The following PLXNC1 variants were observed in gnomAD, a reference collection of about 807,000 sequenced individuals.
PLXNC1 encodes the protein plexin-C1.
A neutral mutation model predicts 178.2 loss-of-function variants in PLXNC1; 75 were observed. The observed-to-expected ratio is 0.42, with a 90% CI of 0.35 to 0.51. The LOEUF (loss-of-function observed/expected upper bound fraction) is 0.51, where lower values mean the gene tolerates loss of function less well. PLXNC1 is among the 20% of genes least tolerant of loss of function. PLXNC1 has a pLI of 0.02. For synonymous variants in PLXNC1, 790 were observed against 779.9 expected (o/e 1.01, Z -0.22); for missense variants, 1,503 against 1,984.4 (o/e 0.76, Z 4.61).
intron 4 of PLXNC1, among the ~76,000 whole-genome samples, chr12:94,201,770 TTTTTTTTTTTTTTTTTG>T (rs1963130688): frequency 8.5e-6 from 1 of 117,164 alleles, no homozygotes; most frequent in African/African-American, 3.4e-5. Context: ...TTTTTTTTTT[TTTTTTTTTTTTTTTTTG>T]AGACAGAGTC....
rs111742600 is a variant in PLXNC1, at chr12:94,153,589, C to T, written c.1062+3556C>T. Among the ~76,000 whole-genome samples the T allele has an allele frequency of 7.9e-5, 12 of 152,310 alleles. 1 individual carries two copies. The highest frequency in any genetic ancestry group is 2.2e-4 in the African/African-American group (9 of 41,574). ...GTTTGTGGAGTCTGATTGCTCCAGACTTGTTTGGCCACCATTGTTGGGTTC... is the reference window on the plus strand; with the variant it reads ...GTTTGTGGAGTCTGATTGCTCCAGATTTGTTTGGCCACCATTGTTGGGTTC... On this transcript the variant is annotated intron_variant, in intron 1 of 30. Coordinates refer to ENST00000258526, the MANE Select transcript of PLXNC1 (RefSeq NM_005761.3).
intron 1 of PLXNC1, among the ~76,000 whole-genome samples, chr12:94,162,784 G>A (rs942667501): frequency 6.6e-6 from 1 of 152,150 alleles, no homozygotes; most frequent in African/African-American, 2.4e-5. Context: ...CAGGACCAGA[G>A]GGAAGAAAAG....
rs907062627 is a variant in PLXNC1 at position 94,284,074 on chromosome 12, C to G, written c.3879+1673C>G. Among the ~76,000 whole-genome samples the G allele has an allele frequency of 2.2e-5, 3 of 138,608 alleles. No individual in the cohort carries two copies. The Admixed American group carries it at 2.4e-4, about 11-fold the overall frequency. The allele number at this position is 138,608 out of a possible 152,430, so 90.9% of individuals were successfully genotyped here. A position where few individuals can be genotyped will look rare whatever the true frequency, so the allele number is the denominator to read the frequency against. On this transcript the variant is annotated intron_variant, in intron 23 of 30. Transcript: ENST00000258526. ...CTCCAGCCTGTGCGACAGAGCAAGACTCCATGTCAGGGGAAAAAAAAAAAA... is the reference window on the plus strand; with the variant it reads ...CTCCAGCCTGTGCGACAGAGCAAGAGTCCATGTCAGGGGAAAAAAAAAAAA...
chr12:94,189,573 G>T lies in PLXNC1; in HGVS notation c.1439+3100G>T, dbSNP rs566855974. On this transcript the variant is annotated intron_variant, in intron 4 of 30. Transcript: ENST00000258526. ...TATGTGCTTCTGGTCCCAGCTACTCGGGAGGTTAAGGTGGGAGGCTTGCTT... is the reference window on the plus strand; with the variant it reads ...TATGTGCTTCTGGTCCCAGCTACTCTGGAGGTTAAGGTGGGAGGCTTGCTT... Among the ~76,000 whole-genome samples, 53 of 152,158 alleles carry T rather than the reference G, an allele frequency of 3.5e-4. 1 individual carries two copies. The South Asian group carries it at 0.011, about 30-fold the overall frequency.
At chr12:94,286,939 A>G (rs1308709222) in intron 23 of PLXNC1, among the ~76,000 whole-genome samples, 2 of 152,172 alleles carry the variant, frequency 1.3e-5, no homozygotes, top group East Asian at 1.9e-4. Context: ...CATGGACTAG[A>G]TGCAGCCCCC....
intron 14 of PLXNC1, among the ~76,000 whole-genome samples, chr12:94,248,701 A>G (rs1964598381): frequency 6.6e-6 from 1 of 152,180 alleles, no homozygotes; most frequent in Non-Finnish European, 1.5e-5. Flanking sequence ...TAGGATCGGC[A>G]AGCAAAATCT....
At chr12:94,266,778 A>C (rs1965267076) in intron 21 of PLXNC1, among the ~76,000 whole-genome samples, 1 of 152,266 alleles carries the variant, frequency 6.6e-6, no homozygotes, top group African/African-American at 2.4e-5. Context: ...ATTAAGAGTC[A>C]GTATTATAAA....
At chr12:94,191,522 G>A (rs1181483564) in intron 4 of PLXNC1, among the ~76,000 whole-genome samples, 22 of 152,150 alleles carry the variant, frequency 1.4e-4, no homozygotes, top group Admixed American at 1.3e-3. Context: ...GGTGGCTCAC[G>A]CCTGTAATCC....
At chr12:94,199,061 G>A (rs573700413) in intron 4 of PLXNC1, among the ~76,000 whole-genome samples, 1 of 152,284 alleles carries the variant, frequency 6.6e-6, no homozygotes, top group South Asian at 2.1e-4. Context: ...GCAGAAAAAG[G>A]AAATGGGGAG....
At chr12:94,254,070 T>C (rs1332171789) in intron 15 of PLXNC1, among the ~76,000 whole-genome samples, 1 of 152,212 alleles carries the variant, frequency 6.6e-6, no homozygotes, top group Non-Finnish European at 1.5e-5. Context: ...CTTAATGCTT[T>C]TTGTGAGTTA....
Position 94,282,386 on chromosome 12 carries a change from C to T in PLXNC1, c.3864C>T (p.Thr1288=). 6.2e-7 allele frequency: 1 copy of T among 1,610,528 alleles called. No homozygotes were observed. Among genetic ancestry groups the T allele is most frequent in the Non-Finnish European group, 8.5e-7 (1 of 1,176,766 alleles). ...ILEDGITKLN[T]IGHYEISNGS... ...AAGATGGAATCACCAAGCTAAACAC[C>T]ATTGGCCACTATGAGGTAAGAGCAA... The change falls in exon 23 of 31, where the codon ACC becomes ACT. Residue 1288 remains threonine, a synonymous_variant. Coordinates refer to ENST00000258526, the MANE Select transcript of PLXNC1 (RefSeq NM_005761.3).
chr12:94,227,213 A>G lies in PLXNC1; in HGVS notation c.1958A>G (p.Asn653Ser). 6.2e-7 allele frequency: 1 copy of G among 1,611,342 alleles called. No homozygotes were observed. Among genetic ancestry groups the G allele is most frequent in the Non-Finnish European group, 8.5e-7 (1 of 1,177,482 alleles). ...GGAAGACCCAAGGAGAACAAGGGGAACAGAACCAACCAGGCTTTACAGGTC... is the reference window on the plus strand; with the variant it reads ...GGAAGACCCAAGGAGAACAAGGGGAGCAGAACCAACCAGGCTTTACAGGTC... The part of the protein sequence containing the change: ...GGGRPKENKG[N>S]RTNQALQVFY... The change falls in exon 9 of 31, where the codon AAC (asparagine) becomes AGC (serine). Residue 653 changes from asparagine to serine, a missense_variant. This residue lies in a region of PLXNC1 where 615 missense variants were observed against 698.6 expected (regional missense o/e 0.88). Coordinates refer to ENST00000258526, the MANE Select transcript of PLXNC1 (RefSeq NM_005761.3).
intron 9 of PLXNC1, among the ~76,000 whole-genome samples, chr12:94,235,689 C>T (rs557966126): frequency 3.9e-5 from 6 of 152,292 alleles, no homozygotes; most frequent in South Asian, 4.1e-4. Context: ...CTACTCCACT[C>T]GACTGCTGCA....
intron 28 of PLXNC1, 51 bp from the exon 29 acceptor site, chr12:94,303,693 CTTTTTTTTTTTT>C: frequency 2.9e-6 from 2 of 699,132 alleles, no homozygotes; most frequent in African/African-American, 2.9e-5. Context: ...ATTCCTCCAT[CTTTTTTTTTTTT>C]TTTTTTTACT....
chr12:94,236,667 T>A (rs1371327936), intron 9 of PLXNC1, among the ~76,000 whole-genome samples: 1 of 152,170 alleles, frequency 6.6e-6, no homozygotes. Flanking sequence ...AAAAAGAGTG[T>A]GAGTATGATG....
intron 12 of PLXNC1, among the ~76,000 whole-genome samples, chr12:94,245,871 A>T (rs1964515794): frequency 6.6e-6 from 1 of 152,218 alleles, no homozygotes; most frequent in Admixed American, 6.5e-5. Flanking sequence ...TTTGCCCTTA[A>T]TTCTGTAGGC....
At chr12:94,263,238 A>G (rs1432249293) in intron 20 of PLXNC1, among the ~76,000 whole-genome samples, 1 of 146,552 alleles carries the variant, frequency 6.8e-6, no homozygotes, top group African/African-American at 2.5e-5. Flanking sequence ...AATGAAAACT[A>G]CAGATACCCA....
intron 4 of PLXNC1, among the ~76,000 whole-genome samples, chr12:94,206,240 C>T (rs74375503): frequency 0.064 from 9,600 of 150,326 alleles, 548 homozygotes; most frequent in African/African-American, 0.14. Context: ...GACTTGGGGC[C>T]GGAGTAGGTT....
At chr12:94,198,229 T>C (rs944149112) in intron 4 of PLXNC1, among the ~76,000 whole-genome samples, 1 of 152,164 alleles carries the variant, frequency 6.6e-6, no homozygotes, top group Non-Finnish European at 1.5e-5. Flanking sequence ...TCATGTCCTT[T>C]TGGGGATGTG....
Sources: gnomAD v4.1 joint callset for allele counts (sites outside exome capture counted in the v4.1 genomes callset) on GRCh38, gnomAD v4.1.1 for gene constraint, gnomAD v4.1.1 regional missense constraint, MANE v1.5 for transcripts, NCBI Gene and HGNC (gene_info 2026-07-23, HGNC 2026-07-21) for gene names.